NEGR1: variants seen among roughly 807,000 people sequenced by gnomAD.
NEGR1 encodes the protein neuronal growth regulator 1.
NEGR1 carries 10 observed loss-of-function variants against 40.9 expected under a neutral mutation model. That is an observed-to-expected ratio of 0.24 (90% confidence interval 0.15 to 0.42). The LOEUF (loss-of-function observed/expected upper bound fraction) is 0.42. Ranked by LOEUF, NEGR1 falls within the 10% of genes least tolerant of loss-of-function variation. NEGR1 has a pLI of 1.00. For missense variants in NEGR1, 352 were observed against 438.9 expected, an observed-to-expected ratio of 0.80 and a Z score of 1.77; for synonymous variants, 185 against 166.8, an observed-to-expected ratio of 1.11 and a Z score of -0.84.
chr1:72,049,542 C>A (rs1647037459), intron 1 of NEGR1, among the ~76,000 whole-genome samples: 1 of 151,558 alleles, frequency 6.6e-6, no homozygotes, highest in Non-Finnish European at 1.5e-5. Context: ...AATTGTAGCA[C>A]CAAAAGTTGT....
intron 6 of NEGR1, among the ~76,000 whole-genome samples, chr1:71,480,829 C>G (rs1044245533): frequency 2.6e-5 from 4 of 151,598 alleles, no homozygotes; most frequent in African/African-American, 9.7e-5. Flanking sequence ...GTCAAAGAAC[C>G]CTGAAAAATA....
At chr1:71,596,945 T>A (rs1034234566) in intron 5 of NEGR1, among the ~76,000 whole-genome samples, 1 of 152,208 alleles carries the variant, frequency 6.6e-6, no homozygotes, top group African/African-American at 2.4e-5. Flanking sequence ...GAGAACATGA[T>A]AATGATATAT....
chr1:71,757,428 T>C (rs530579418), intron 3 of NEGR1, among the ~76,000 whole-genome samples: 58 of 152,244 alleles, frequency 3.8e-4, no homozygotes, highest in African/African-American at 1.3e-3. Context: ...TAGTATCCTT[T>C]ACATCTTTTT....
intron 6 of NEGR1, among the ~76,000 whole-genome samples, chr1:71,438,083 T>C (rs1646521087): frequency 6.6e-6 from 1 of 152,202 alleles, no homozygotes; most frequent in East Asian, 1.9e-4. Flanking sequence ...CCTGCCAAAT[T>C]ACAACGCTTG....
At chr1:72,220,631 A>T (rs1653981708) in intron 1 of NEGR1, among the ~76,000 whole-genome samples, 1 of 142,656 alleles carries the variant, frequency 7.0e-6, no homozygotes. Context: ...CTGAATTTCT[A>T]TATAATTTCA....
At chr1:71,894,697 A>G (rs560881711) in intron 2 of NEGR1, among the ~76,000 whole-genome samples, 1 of 152,332 alleles carries the variant, frequency 6.6e-6, no homozygotes, top group Admixed American at 6.5e-5. Flanking sequence ...TAACTTGTCA[A>G]TCCTTCTTTA....
At chr1:71,687,939 CA>C (rs1653091356) in intron 4 of NEGR1, among the ~76,000 whole-genome samples, 1 of 152,094 alleles carries the variant, frequency 6.6e-6, no homozygotes, top group Non-Finnish European at 1.5e-5. Context: ...AATTCAAATA[CA>C]TACATCTATA....
chr1:72,056,202 C>T (rs1647108565), intron 1 of NEGR1, among the ~76,000 whole-genome samples: 1 of 151,176 alleles, frequency 6.6e-6, no homozygotes, highest in Non-Finnish European at 1.5e-5. Context: ...ACTTACTACT[C>T]TTAAGAAGTT....
chr1:72,095,230 T>A (rs1648653810), intron 1 of NEGR1, among the ~76,000 whole-genome samples: 1 of 152,160 alleles, frequency 6.6e-6, no homozygotes, highest in African/African-American at 2.4e-5. Flanking sequence ...TTTCAAATAG[T>A]TTAGTAATAG....
chr1:71,790,932 A>C (rs1657093374), intron 2 of NEGR1, among the ~76,000 whole-genome samples: 1 of 152,068 alleles, frequency 6.6e-6, no homozygotes, highest in Admixed American at 6.6e-5. Flanking sequence ...ATGAACAAAA[A>C]TCATTTGTTG....
At chr1:72,242,478 T>C (rs1008091070) in intron 1 of NEGR1, among the ~76,000 whole-genome samples, 4 of 151,644 alleles carry the variant, frequency 2.6e-5, no homozygotes, top group South Asian at 2.1e-4. Flanking sequence ...AGCGACTCAA[T>C]AAATATCTCT....
intron 6 of NEGR1, among the ~76,000 whole-genome samples, chr1:71,515,532 T>A (rs1647114894): frequency 2.4e-5 from 1 of 41,884 alleles, no homozygotes; most frequent in Non-Finnish European, 4.3e-5. Context: ...GCTGAGAGAT[T>A]TTGTCACCAC....
At chr1:71,826,656 G>A (rs1479811304) in intron 2 of NEGR1, among the ~76,000 whole-genome samples, 1 of 151,502 alleles carries the variant, frequency 6.6e-6, no homozygotes, top group Non-Finnish European at 1.5e-5. Context: ...AAGTGTGTTT[G>A]CACTGACTTG....
At chr1:71,686,192 C>T (rs917455635) in intron 4 of NEGR1, among the ~76,000 whole-genome samples, 13 of 152,026 alleles carry the variant, frequency 8.6e-5, no homozygotes, top group African/African-American at 3.1e-4. Flanking sequence ...AGATGTGATG[C>T]AAAATTTTTT....
chr1:71,453,168 A>T (rs1214831234), intron 6 of NEGR1, among the ~76,000 whole-genome samples: 7 of 152,200 alleles, frequency 4.6e-5, no homozygotes, highest in African/African-American at 1.7e-4. Context: ...TATACTTTTA[A>T]GGGCAGATGA....
intron 3 of NEGR1, among the ~76,000 whole-genome samples, chr1:71,740,824 A>G (rs1655190548): frequency 6.6e-6 from 1 of 152,112 alleles, no homozygotes; most frequent in Admixed American, 6.6e-5. Flanking sequence ...TGCCTTCATA[A>G]GTAAGGAATG....
At chr1:71,522,496 C>T (rs750110265) in intron 6 of NEGR1, among the ~76,000 whole-genome samples, 11 of 150,516 alleles carry the variant, frequency 7.3e-5, no homozygotes, top group East Asian at 5.9e-4. Context: ...AGAGTGGTAG[C>T]GAAAGAGGTA....
intron 6 of NEGR1, among the ~76,000 whole-genome samples, chr1:71,453,899 T>C (rs1646651370): frequency 6.6e-6 from 1 of 152,142 alleles, no homozygotes; most frequent in African/African-American, 2.4e-5. Flanking sequence ...GAAATCAGAA[T>C]TCTATACAAA....
chr1:71,824,563 C>T (rs888518977), intron 2 of NEGR1, among the ~76,000 whole-genome samples: 1 of 151,920 alleles, frequency 6.6e-6, no homozygotes, highest in Non-Finnish European at 1.5e-5. Context: ...ACCAATCCAG[C>T]CTTAAGTGTT....
Sources: allele counts gnomAD v4.1 joint callset (sites outside exome capture counted in the v4.1 genomes callset), GRCh38; gene constraint gnomAD v4.1.1; transcripts MANE v1.5; gene names NCBI Gene and HGNC (gene_info 2026-07-23, HGNC 2026-07-21).